Variants in PRH1 observed in about 807,000 individuals in gnomAD.
PRH1 encodes the protein proline rich protein HaeIII subfamily 1, also known as salivary acidic proline-rich phosphoprotein 1/2.
Under a neutral mutation model 7.9 loss-of-function variants are expected in PRH1, and 7 were observed. The observed-to-expected ratio is 0.89, with a 90% CI of 0.50 to 1.67. PRH1 has a LOEUF of 1.67. PRH1 is among the 40% of genes most tolerant of loss of function. The probability of loss-of-function intolerance (pLI) is 0.00; values close to 1 mark genes in which losing one functional copy is unlikely to be tolerated. For synonymous variants in PRH1, 45 were observed against 80.8 expected (o/e 0.56, Z 2.38); for missense variants, 109 against 223.6 (o/e 0.49, Z 3.27).
chr12:10,973,637 T>C (rs763252325), intron 2 of PRH1: 4 of 776,454 alleles, frequency 5.2e-6, no homozygotes, highest in African/African-American at 3.4e-5. Context: ...CCTGTGTTAC[T>C]TGATATGTAG....
chr12:11,134,436 CT>C, intron 1 of PRH1: 1 of 656,248 alleles, frequency 1.5e-6, no homozygotes, highest in Non-Finnish European at 2.5e-6. Flanking sequence ...AAGTTCAATG[CT>C]CTCTTTATGG....
intron 2 of PRH1, among the ~76,000 whole-genome samples, chr12:10,927,847 G>A (rs1328274457): frequency 6.6e-6 from 1 of 152,216 alleles, no homozygotes; most frequent in Non-Finnish European, 1.5e-5. Context: ...GGAAAGTGCA[G>A]CTGGTGATAC....
chr12:11,127,283 C>T (rs1381853673), intron 1 of PRH1, among the ~76,000 whole-genome samples: 2 of 152,272 alleles, frequency 1.3e-5, no homozygotes, highest in Admixed American at 6.5e-5. Flanking sequence ...AAGTCATACA[C>T]TTAATCATCA....
intron 2 of PRH1, among the ~76,000 whole-genome samples, chr12:10,969,394 C>T (rs1938680938): frequency 6.6e-6 from 1 of 152,192 alleles, no homozygotes. Context: ...GATAGAAGTA[C>T]TCCCTTTGGG....
At chr12:11,125,628 TTGAA>T (rs1282011426) in intron 1 of PRH1, among the ~76,000 whole-genome samples, 10 of 152,292 alleles carry the variant, frequency 6.6e-5, no homozygotes, top group Non-Finnish European at 1.5e-5. Flanking sequence ...ATTATAATCT[TTGAA>T]TGGTAAAAAT....
chr12:10,947,924 AT>A (rs1389661074), intron 2 of PRH1, among the ~76,000 whole-genome samples: 2 of 152,002 alleles, frequency 1.3e-5, no homozygotes, highest in African/African-American at 4.8e-5. Flanking sequence ...TTGGCTGAAG[AT>A]TTTTTTCTTT....
At chr12:11,164,529 C>A (rs1422905863) in intron 1 of PRH1, among the ~76,000 whole-genome samples, 3 of 152,168 alleles carry the variant, frequency 2.0e-5, no homozygotes, top group African/African-American at 7.2e-5. Flanking sequence ...AATACAGTAG[C>A]CTGCATAGAG....
intron 1 of PRH1, among the ~76,000 whole-genome samples, chr12:10,883,793 C>T (rs1324527571): frequency 6.6e-6 from 1 of 152,186 alleles, no homozygotes; most frequent in African/African-American, 2.4e-5. Context: ...ATCCACTGTA[C>T]AGCAAGGCCA....
At chr12:10,944,755 A>G in intron 2 of PRH1, among the ~76,000 whole-genome samples, 1 of 152,228 alleles carries the variant, frequency 6.6e-6, no homozygotes, top group South Asian at 2.1e-4. Context: ...TTTTTGAAAT[A>G]GTTTAACATG....
At chr12:11,034,944 T>C (rs1479469555) in intron 1 of PRH1, 1 of 152,298 alleles carries the variant, frequency 6.6e-6, no homozygotes, top group East Asian at 1.9e-4. Context: ...TCTGAAAAGA[T>C]GTATTTTAAG....
At chr12:10,908,835 C>T in intron 2 of PRH1, 1 of 1,613,744 alleles carries the variant, frequency 6.2e-7, no homozygotes, top group Non-Finnish European at 8.5e-7. Context: ...TCGGTCCAGC[C>T]AGTCTTTTAT....
chr12:11,107,361 C>T (rs902884217), intron 1 of PRH1, among the ~76,000 whole-genome samples: 6 of 152,164 alleles, frequency 3.9e-5, no homozygotes, highest in East Asian at 1.9e-4. Context: ...CCTTCTGCTA[C>T]AATTAAGATA....
At chr12:11,119,352 T>C (rs943479671), downstream of PRH1, among the ~76,000 whole-genome samples, 4 of 151,942 alleles carry the variant, frequency 2.6e-5, no homozygotes, top group Non-Finnish European at 5.9e-5. Flanking sequence ...TGAGACCTAC[T>C]ATTTGATACC....
intron 1 of PRH1, among the ~76,000 whole-genome samples, chr12:11,104,181 TA>T (rs760838136): frequency 0.012 from 572 of 49,578 alleles, 3 homozygotes; most frequent in Middle Eastern, 0.026. Flanking sequence ...AATGAAAGAG[TA>T]AAAAAAAAAA....
intron 2 of PRH1, among the ~76,000 whole-genome samples, chr12:10,897,786 C>T (rs755901889): frequency 3.7e-4 from 57 of 152,296 alleles, no homozygotes; most frequent in Middle Eastern, 3.4e-3. Context: ...CACACCACCA[C>T]CAAGGGGGAA....
chr12:11,000,700 C>G (rs1309635998), intron 1 of PRH1, among the ~76,000 whole-genome samples: 1 of 152,088 alleles, frequency 6.6e-6, no homozygotes, highest in Non-Finnish European at 1.5e-5. Context: ...GTTAGATGCT[C>G]TGATTGTAGC....
At chr12:10,986,100 C>T in intron 1 of PRH1, 1 of 1,613,992 alleles carries the variant, frequency 6.2e-7, no homozygotes, top group Middle Eastern at 1.6e-4. Context: ...ATTCCGCAGC[C>T]TCCTAGGACT....
intron 1 of PRH1, chr12:10,985,807 G>A: frequency 2.5e-6 from 2 of 809,470 alleles, no homozygotes; most frequent in South Asian, 2.1e-5. Flanking sequence ...GACTTTTCTA[G>A]GTATGCTTTC....
intron 1 of PRH1, among the ~76,000 whole-genome samples, chr12:11,004,870 T>A (rs1273044166): frequency 6.6e-6 from 1 of 152,100 alleles, no homozygotes. Context: ...AGAAAAAATA[T>A]TAAAATATAA....
Sources: allele counts gnomAD v4.1 joint callset (sites outside exome capture counted in the v4.1 genomes callset), GRCh38; gene constraint gnomAD v4.1.1; transcripts MANE v1.5; gene names NCBI Gene and HGNC (gene_info 2026-07-23, HGNC 2026-07-21).